The following ABCA10 variants were observed in gnomAD, a reference collection of about 807,000 sequenced individuals.
The protein encoded by ABCA10 is ATP binding cassette subfamily A member 10, also known as ATP-binding cassette sub-family A member 10.
A neutral mutation model predicts 187.5 loss-of-function variants in ABCA10; 169 were observed. The ratio of observed to expected loss-of-function variants is 0.90; its 90% CI spans 0.80 to 1.02. The LOEUF (loss-of-function observed/expected upper bound fraction) is 1.02. Ranked by LOEUF, ABCA10 falls within the 50% of genes least tolerant of loss-of-function variation. The probability of loss-of-function intolerance (pLI) is 0.00; values close to 1 mark genes in which losing one functional copy is unlikely to be tolerated. For synonymous variants in ABCA10, 574 were observed against 601.8 expected (o/e 0.95, Z 0.68); for missense variants, 1,727 against 1,812.4 (o/e 0.95, Z 0.86).
Position 69,174,707 on chromosome 17 carries a change from A to T in ABCA10, c.2948T>A (p.Val983Glu). The T allele has an allele frequency of 6.2e-7, 1 of 1,612,692 alleles. No individual in the cohort carries two copies. Among genetic ancestry groups the T allele is most frequent in the Non-Finnish European group, 8.5e-7 (1 of 1,179,064 alleles). ...AATCAAGAAGTATAATGGAATGTCC[A>T]CCAGAGCCTGTCCACACCAGTATGC... ...PSAYWCGQALVDIPLYFLILF... is the reference protein window; with the variant it reads ...PSAYWCGQALEDIPLYFLILF... Residue 983 changes from valine to glutamate, a missense_variant, in exon 24 of 39, where the codon GTG (valine) becomes GAG (glutamate). By Grantham distance (121) the Val-to-Glu change is moderately radical. Transcript: ENST00000690296.
chr17:69,150,001 A>C lies in ABCA10; in HGVS notation c.4460T>G (p.Phe1487Cys). 6.2e-7 allele frequency: 1 copy of C among 1,612,420 alleles called. No individual in the cohort carries two copies. The highest frequency in any genetic ancestry group is 2.2e-5 in the East Asian group (1 of 44,834). Residue 1487 changes from phenylalanine (F) to cysteine (C), a missense_variant, in exon 37 of 39, where the codon TTT becomes TGT. Coordinates refer to ENST00000690296, the MANE Select transcript of ABCA10 (RefSeq NM_001377321.1). Reference protein sequence around the residue: ...VEDVHPLSRAFFKLEAMKQTF... With the variant: ...VEDVHPLSRACFKLEAMKQTF... ...AAACTTACTCGCCTCTAACTTGAAA[A>C]AGGCCCGAGATAGAGGGTGGACATC...
chr17:69,225,204 G>A (rs1203303937), intron 3 of ABCA10, 121 bp downstream of exon 3: 8 of 1,100,712 alleles, frequency 7.3e-6, no homozygotes, highest in South Asian at 7.2e-5. Flanking sequence ...CATATATAAT[G>A]AGAATCTTTG....
chr17:69,225,304 A>G (rs1167369620), intron 3 of ABCA10, 21 bp downstream of exon 3: 2 of 1,612,046 alleles, frequency 1.2e-6, no homozygotes, highest in Non-Finnish European at 1.7e-6. Context: ...ATACTGAAAC[A>G]TTGGTTATTG....
chr17:69,165,369 T>C (rs8071373), intron 25 of ABCA10, among the ~76,000 whole-genome samples: 84,812 of 151,978 alleles, frequency 0.56, 25,205 homozygotes, highest in Non-Finnish European at 0.67. Flanking sequence ...TTATTTTGTC[T>C]ATTATAATAA....
At chr17:69,227,076 C>G (rs1263110323) in intron 2 of ABCA10, 69 bp downstream of exon 2, 1 of 147,176 alleles carries the variant, frequency 6.8e-6, no homozygotes, top group Admixed American at 6.9e-5. Flanking sequence ...ATAAAAATGG[C>G]ATAATACTAT....
chr17:69,210,485 G>A (rs558770702), intron 9 of ABCA10, among the ~76,000 whole-genome samples: 84 of 151,878 alleles, frequency 5.5e-4, no homozygotes, highest in Non-Finnish European at 9.7e-4. Flanking sequence ...CACCGCGCCC[G>A]GCCTTTAGTG....
At chr17:69,239,516 A>G (rs2074891646) in intron 1 of ABCA10, among the ~76,000 whole-genome samples, 1 of 152,166 alleles carries the variant, frequency 6.6e-6, no homozygotes, top group African/African-American at 2.4e-5. Flanking sequence ...AAATGGGGGT[A>G]GGGACCTGCG....
chr17:69,217,039 A>T (rs2074711579), intron 6 of ABCA10, among the ~76,000 whole-genome samples: 1 of 152,114 alleles, frequency 6.6e-6, no homozygotes, highest in African/African-American at 2.4e-5. Context: ...CTGAGTCAGG[A>T]GTTCGAGAAC....
At chr17:69,176,183 C>T (rs927426765) in intron 22 of ABCA10, among the ~76,000 whole-genome samples, 9 of 152,076 alleles carry the variant, frequency 5.9e-5, no homozygotes, top group African/African-American at 2.2e-4. Context: ...GTTAAGTTGT[C>T]ATTTGTTCCA....
intron 10 of ABCA10, 95 bp downstream of exon 10, chr17:69,201,405 A>C (rs2144816801): frequency 8.8e-7 from 1 of 1,142,694 alleles, no homozygotes; most frequent in East Asian, 2.7e-5. Context: ...TAATAAAAAG[A>C]AAAGAACACA....
At chr17:69,214,331 C>A (rs533524098) in intron 9 of ABCA10, among the ~76,000 whole-genome samples, 1 of 151,774 alleles carries the variant, frequency 6.6e-6, no homozygotes, top group Admixed American at 6.6e-5. Context: ...CCGGCTAAAA[C>A]GGTGAAACCC....
chr17:69,235,792 A>C (rs1401094515), intron 1 of ABCA10, among the ~76,000 whole-genome samples: 2 of 152,156 alleles, frequency 1.3e-5, no homozygotes, highest in African/African-American at 4.8e-5. Context: ...GAAAACAAAA[A>C]AAACAAAAAC....
Position 69,225,679 on chromosome 17 carries a change from C to T in ABCA10, c.-171-150G>A, listed in dbSNP as rs112194394. On this transcript the variant is annotated intron_variant, in intron 2 of 38. Coordinates refer to ENST00000690296, the MANE Select transcript of ABCA10 (RefSeq NM_001377321.1). ...TTTTTCTGCCCAAATTAATATCTAC[C>T]TTTTAAAGAAAAAAACACCCTTTCA... The T allele has an allele frequency of 1.5e-3, 492 of 318,770 alleles. 2 individuals carry two copies. The highest frequency in any genetic ancestry group is 9.8e-3 in the African/African-American group (459 of 46,754). The allele number at this position is 318,770 out of a possible 1,614,324, so 19.7% of individuals were successfully genotyped here.
In ABCA10 at chr17:69,152,347, A is replaced by G; in HGVS notation, c.4256+15T>C. 6.2e-7 allele frequency: 1 copy of G among 1,609,268 alleles called. No individual in the cohort carries two copies. The highest frequency in any genetic ancestry group is 8.5e-7 in the Non-Finnish European group (1 of 1,178,410). On this transcript the variant is annotated intron_variant, in intron 35 of 38. Coordinates refer to ENST00000690296, the MANE Select transcript of ABCA10 (RefSeq NM_001377321.1). ...AGAACATGCTAGTCCCATGCTGGTC[A>G]GGACAGGCACCCACCTTAGCGTTCC... is the stretch of plus-strand genomic sequence containing the variant.
At chr17:69,214,591 T>C (rs1407716420) in intron 9 of ABCA10, 113 bp downstream of exon 9, 1 of 946,002 alleles carries the variant, frequency 1.1e-6, no homozygotes, top group Non-Finnish European at 1.5e-6. Flanking sequence ...TTTTGAAATT[T>C]TTTCTTCTCT....
chr17:69,164,913 T>C, intron 26 of ABCA10, 51 bp downstream of exon 26: 2 of 1,569,198 alleles, frequency 1.3e-6, no homozygotes, highest in Non-Finnish European at 1.7e-6. Context: ...AAGGATTTTA[T>C]TAATGGGCTA....
At position 69,182,300 on chromosome 17, in the gene ABCA10, A is replaced by C. The variant is rs1314462133; in HGVS notation, c.2632-10T>G. 6.7e-7 allele frequency: 1 copy of C among 1,496,502 alleles called. No individual in the cohort carries two copies. The highest frequency in any genetic ancestry group is 2.5e-5 in the East Asian group (1 of 40,562). 92.7% of individuals were successfully genotyped at this position (1,496,502 alleles called of 1,614,324 possible). A position where few individuals can be genotyped will look rare whatever the true frequency, so the allele number is the denominator to read the frequency against. On this transcript the variant is annotated splice_polypyrimidine_tract_variant and intron_variant, in intron 21 of 38. Coordinates refer to ENST00000690296, the MANE Select transcript of ABCA10 (RefSeq NM_001377321.1). ...CAGAAAATCTGTAATCCTTGAAAAA[A>C]AGTACACAAATATAAGTTATAAATT... is the stretch of plus-strand genomic sequence containing the variant.
rs534063153 is a variant in ABCA10, at chr17:69,167,336, A to G, written c.3163-2253T>C. Among the ~76,000 whole-genome samples, 10 of 152,320 alleles carry G rather than the reference A, an allele frequency of 6.6e-5. No individual in the cohort carries two copies. In the South Asian group the frequency reaches 1.9e-3, roughly 28 times the overall value. The stretch of plus-strand genomic sequence containing the variant: ...TTGTCAACATCATAGAAGAGAACCC[A>G]ATAGAGAGAACATCATGAAAGTCTG... On this transcript the variant is annotated intron_variant, in intron 25 of 38. Coordinates refer to ENST00000690296, the MANE Select transcript of ABCA10 (RefSeq NM_001377321.1).
At chr17:69,192,502 A>G (rs2074468181) in intron 16 of ABCA10, 61 bp downstream of exon 16, 2 of 1,423,348 alleles carry the variant, frequency 1.4e-6, no homozygotes, top group South Asian at 1.3e-5. Flanking sequence ...AAAGGCTTCT[A>G]CAAAATGTCA....
Sources: allele counts gnomAD v4.1 joint callset (sites outside exome capture counted in the v4.1 genomes callset), GRCh38; gene constraint gnomAD v4.1.1; transcripts MANE v1.5; gene names NCBI Gene and HGNC (gene_info 2026-07-23, HGNC 2026-07-21).